Variants in ABCC6 observed in about 807,000 individuals in gnomAD.
ABCC6 encodes ATP binding cassette subfamily C member 6.
In ABCC6, 126 loss-of-function variants were observed where a neutral mutation model predicts 169.5. That is an observed-to-expected ratio of 0.74 (90% CI 0.64 to 0.86). The LOEUF (loss-of-function observed/expected upper bound fraction) is 0.86. Ranked by LOEUF, ABCC6 falls within the 40% of genes least tolerant of loss-of-function variation. The pLI, the probability that ABCC6 is intolerant of heterozygous loss-of-function variation, is 0.00. For synonymous variants in ABCC6, 752 were observed against 814.7 expected, an observed-to-expected ratio of 0.92 and a Z score of 1.31; for missense variants, 1,733 against 1,927.2, an observed-to-expected ratio of 0.90 and a Z score of 1.89.
chr16:16,205,468 G>T lies in ABCC6; in HGVS notation c.795-1855C>A, dbSNP rs181150443. The stretch of plus-strand genomic sequence containing the variant: ...AGAAAAACCTCTGGTGAGCTCAGGT[G>T]GCCAGACCCTTCAAGGCCAAGGTCT... On this transcript the variant is annotated intron_variant, in intron 7 of 30. Coordinates refer to ENST00000205557, the MANE Select transcript of ABCC6 (RefSeq NM_001171.6). Among the ~76,000 whole-genome samples the T allele has an allele frequency of 9.9e-5, 15 of 151,760 alleles. No homozygotes were observed. The East Asian group carries it at 2.7e-3, about 27-fold the overall frequency.
chr16:16,202,526 A>C (rs2048278677), intron 8 of ABCC6, among the ~76,000 whole-genome samples: 1 of 151,324 alleles, frequency 6.6e-6, no homozygotes, highest in South Asian at 2.1e-4. Context: ...GAGGCAATGA[A>C]GTTAAAAATG....
At position 16,159,503 on chromosome 16, in the gene ABCC6, G is replaced by T; in HGVS notation, c.3714C>A (p.Asp1238Glu). 1 of 1,614,002 alleles carries T rather than the reference G, an allele frequency of 6.2e-7. No individual in the cohort carries two copies. The highest frequency in any genetic ancestry group is 8.5e-7 in the Non-Finnish European group (1 of 1,179,990). Residue 1238 changes from aspartate to glutamate, a missense_variant, in exon 26 of 31, where the codon GAC becomes GAA. Transcript: ENST00000205557. ...TCACCTCCTTGGGCGTCCAGGCATAGTCCTGCATCCGCTCCACTGACACGA... is the reference window on the plus strand; with the variant it reads ...TCACCTCCTTGGGCGTCCAGGCATATTCCTGCATCCGCTCCACTGACACGA... Reference protein sequence around the residue: ...NSIVSVERMQDYAWTPKEAPW... With the variant: ...NSIVSVERMQEYAWTPKEAPW...
At chr16:16,168,302 G>GGCTCATGCCTGTGATAC (rs1232942589) in intron 22 of ABCC6, among the ~76,000 whole-genome samples, 1 of 151,918 alleles carries the variant, frequency 6.6e-6, no homozygotes, top group East Asian at 1.9e-4. Flanking sequence ...ACCAGCCTGG[G>GGCTCATGCCTGTGATAC]CAACACGGCG....
At position 16,161,590 on chromosome 16, in the gene ABCC6, G is replaced by A. The variant is rs375287368; in HGVS notation, c.3507-26C>T. 8 of 1,613,586 alleles carry A rather than the reference G, an allele frequency of 5.0e-6. No homozygotes were observed. The African/African-American group carries it at 6.7e-5, about 13-fold the overall frequency. ...CTGCAAAGGGAAGCGACAGCAGGGT[G>A]AGTGGTTACTCTCATCTGCAGGGAG... On this transcript the variant is annotated intron_variant, in intron 24 of 30. Coordinates refer to ENST00000205557, the MANE Select transcript of ABCC6 (RefSeq NM_001171.6).
chr16:16,196,482 T>C (rs2048042936), intron 10 of ABCC6, among the ~76,000 whole-genome samples: 1 of 152,212 alleles, frequency 6.6e-6, no homozygotes, highest in Non-Finnish European at 1.5e-5. Context: ...TGCAGTTGTG[T>C]GCCCGGCACC....
chr16:16,198,212 A>G, intron 9 of ABCC6, 30 bp from the exon 10 acceptor site: 3 of 1,564,218 alleles, frequency 1.9e-6, no homozygotes, highest in Non-Finnish European at 2.6e-6. Context: ...AGAGAAGTAA[A>G]GTGGGGAGGC....
intron 22 of ABCC6, 90 bp from the exon 23 acceptor site, chr16:16,166,023 T>C: frequency 3.0e-6 from 4 of 1,334,150 alleles, no homozygotes; most frequent in Non-Finnish European, 4.2e-6. Flanking sequence ...CGCTACCCCA[T>C]GGTGGACATC....
At chr16:16,150,274 G>A (rs2046349976) in intron 30 of ABCC6, 33 bp from the exon 31 acceptor site, 1 of 1,613,110 alleles carries the variant, frequency 6.2e-7, no homozygotes, top group Admixed American at 1.7e-5. Context: ...GAGGCTCTTT[G>A]GACACCAGCC....
rs140644183 is a variant in ABCC6 at position 16,155,904 on chromosome 16, C to CTTTATTTATTTA, written c.3883-885_3883-874dup. ...ATGTAATACAGTGTGATGAACAATG[C>CTTTATTTATTTA]TTTATTTATTTATTTATTTATTTAT... On this transcript the variant is annotated intron_variant, in intron 27 of 30. Transcript: ENST00000205557. The CTTTATTTATTTA allele has an allele frequency of 8.1e-4, 123 of 151,258 alleles. 1 individual carries two copies. The highest frequency in any genetic ancestry group is 3.4e-3 in the Middle Eastern group (1 of 292). 9.4% of individuals were successfully genotyped at this position (151,258 alleles called of 1,614,324 possible).
chr16:16,209,505 G>A (rs1341721577), intron 6 of ABCC6, among the ~76,000 whole-genome samples: 1 of 152,140 alleles, frequency 6.6e-6, no homozygotes, highest in African/African-American at 2.4e-5. Context: ...GATAGCCCTT[G>A]GCAAGGGAAA....
At chr16:16,155,141 A>G (rs2046508046) in intron 27 of ABCC6, 110 bp from the exon 28 acceptor site, 1 of 1,297,804 alleles carries the variant, frequency 7.7e-7, no homozygotes, top group East Asian at 2.5e-5. Context: ...CTCATTGTGT[A>G]AAGGTCTACC....
intron 21 of ABCC6, among the ~76,000 whole-genome samples, chr16:16,170,876 A>G (rs6498609): frequency 0.98 from 140,903 of 144,128 alleles, 68,968 homozygotes; most frequent in Middle Eastern, 1. Context: ...CTGAGATTGC[A>G]CCATTACACT....
chr16:16,170,919 C>CAAAAAA (rs1220574453), intron 21 of ABCC6, among the ~76,000 whole-genome samples: 1 of 22,278 alleles, frequency 4.5e-5, no homozygotes, highest in Admixed American at 6.6e-4. Flanking sequence ...AACTCTGTCT[C>CAAAAAA]AAAAAAAAAA....
At chr16:16,199,396 T>A (rs2048162688) in intron 9 of ABCC6, among the ~76,000 whole-genome samples, 1 of 132,212 alleles carries the variant, frequency 7.6e-6, no homozygotes, top group African/African-American at 2.6e-5. Flanking sequence ...ACAGGCCTTG[T>A]AAGCTCCTAC....
At chr16:16,179,085 T>C (rs2047387668) in intron 17 of ABCC6, 120 bp from the exon 18 acceptor site, 1 of 1,147,484 alleles carries the variant, frequency 8.7e-7, no homozygotes, top group Non-Finnish European at 1.3e-6. Context: ...TCAACATGCC[T>C]ATTCCCTGGG....
At chr16:16,151,550 C>T (rs1405326119) in intron 29 of ABCC6, among the ~76,000 whole-genome samples, 2 of 152,192 alleles carry the variant, frequency 1.3e-5, no homozygotes, top group South Asian at 2.1e-4. Flanking sequence ...GCTGGTGTCA[C>T]GTGGGCCTTA....
chr16:16,154,962 C>T lies in ABCC6; in HGVS notation c.3952G>A (p.Ala1318Thr), dbSNP rs2046496590. ...LASGLLRLQE[A>T]AEGGIWIDGV... ...TCGATCCAGATCCCACCCTCAGCTG[C>T]CTCCTGGAGCCGCAGCAGCCCACTG... Residue 1318 changes from alanine (A) to threonine (T), a missense_variant, in exon 28 of 31, where the codon GCA (alanine) becomes ACA (threonine). Around this residue, in one of 5 missense-constraint regions of ABCC6, gnomAD observed 1,601 missense variants for 1,635.5 expected, o/e 0.98. Coordinates refer to ENST00000205557, the MANE Select transcript of ABCC6 (RefSeq NM_001171.6). 6.3e-7 allele frequency: 1 copy of T among 1,583,172 alleles called. No individual in the cohort carries two copies. Among genetic ancestry groups the T allele is most frequent in the South Asian group, 1.2e-5 (1 of 86,764 alleles).
rs568891272 is a variant in ABCC6, at chr16:16,168,495, GT to G, written c.2995+1150del. 4.5e-3 allele frequency among the ~76,000 whole-genome samples: 688 copies of G among 152,078 alleles called. 4 individuals are homozygous for G. The highest frequency in any genetic ancestry group is 6.7e-3 in the Non-Finnish European group (458 of 67,962). Reference sequence around the variant, plus strand: ...AGCCAGACCCAGTCTATATATATGTGTGTGTGTGTATAAATAAGAAGCCAAA... The same window carrying G: ...AGCCAGACCCAGTCTATATATATGTGGTGTGTGTATAAATAAGAAGCCAAA... On this transcript the variant is annotated intron_variant, in intron 22 of 30. Transcript: ENST00000205557.
chr16:16,214,392 C>T lies in ABCC6; in HGVS notation c.532G>A (p.Val178Met), dbSNP rs1260025463. Residue 178 changes from valine (V) to methionine (M), a missense_variant, in exon 5 of 31, where the codon GTG becomes ATG. Physicochemically the swap from Val to Met is conservative, Grantham distance 21. This residue lies in a region of ABCC6 where 49 missense variants were observed against 85.8 expected (regional missense o/e 0.57). Coordinates refer to ENST00000205557, the MANE Select transcript of ABCC6 (RefSeq NM_001171.6). ...AGGCAGGACAGCACAAACTGTGCCA[C>T]CACCAGAGACAGGCATAGGTAGGTG... is the stretch of plus-strand genomic sequence containing the variant. ...LSTYLCLSLV[V>M]AQFVLSCLAD... The T allele has an allele frequency of 6.4e-7, 1 of 1,551,110 alleles. No individual in the cohort carries two copies. Among genetic ancestry groups the T allele is most frequent in the East Asian group, 2.4e-5 (1 of 40,874 alleles).
Sources: allele counts gnomAD v4.1 joint callset (sites outside exome capture counted in the v4.1 genomes callset), GRCh38; gene constraint gnomAD v4.1.1; regional missense constraint gnomAD v4.1.1; transcripts MANE v1.5; gene names NCBI Gene and HGNC (gene_info 2026-07-23, HGNC 2026-07-21).